NBAS: variants seen among roughly 807,000 people sequenced by gnomAD.
The protein encoded by NBAS is NAG/BC035112 fusion.
A neutral mutation model predicts 302.5 loss-of-function variants in NBAS; 219 were observed. That is an observed-to-expected ratio of 0.72 (90% confidence interval 0.65 to 0.81). The LOEUF (loss-of-function observed/expected upper bound fraction) is 0.81, where lower values mean the gene tolerates loss of function less well. NBAS is among the 30% of genes least tolerant of loss of function. NBAS has a pLI of 0.00. For missense variants in NBAS, 2,932 were observed against 2,841.6 expected (o/e 1.03, Z -0.72); for synonymous variants, 1,118 against 1,021.6 (o/e 1.09, Z -1.80).
At chr2:15,559,975 T>C (rs781097138) in intron 1 of NBAS, among the ~76,000 whole-genome samples, 1 of 152,158 alleles carries the variant, frequency 6.6e-6, no homozygotes, top group African/African-American at 2.4e-5. Context: ...TGCAGATCTC[T>C]ACCCGTCTAC....
At chr2:15,286,729 T>G (rs939399474) in intron 42 of NBAS, among the ~76,000 whole-genome samples, 41 of 152,262 alleles carry the variant, frequency 2.7e-4, no homozygotes, top group Non-Finnish European at 4.4e-5. Flanking sequence ...TTATCAGTTT[T>G]AATTTCACAT....
At chr2:15,095,017 G>A in the NBAS span, among the ~76,000 whole-genome samples, 1 of 152,140 alleles carries the variant, frequency 6.6e-6, no homozygotes, top group Non-Finnish European at 1.5e-5. Context: ...AAAATGTATA[G>A]TAAAATATAA....
the NBAS span, among the ~76,000 whole-genome samples, chr2:15,051,537 T>A: frequency 1.3e-5 from 2 of 152,170 alleles, no homozygotes; most frequent in African/African-American, 4.8e-5. Flanking sequence ...CACTTTTATA[T>A]GGACATAATA....
the NBAS span, among the ~76,000 whole-genome samples, chr2:14,779,735 T>C: frequency 6.6e-6 from 1 of 152,206 alleles, no homozygotes; most frequent in Non-Finnish European, 1.5e-5. Context: ...ATATATTTGT[T>C]TGTTGTCTCA....
chr2:15,216,306 CAA>C (rs1036988088), intron 48 of NBAS, among the ~76,000 whole-genome samples: 1 of 151,958 alleles, frequency 6.6e-6, no homozygotes, highest in African/African-American at 2.4e-5. Context: ...GGCGAGAAAA[CAA>C]AAAGAGTGAG....
chr2:14,878,398 G>A, the NBAS span, among the ~76,000 whole-genome samples: 526 of 152,262 alleles, frequency 3.5e-3, 7 homozygotes, highest in African/African-American at 0.011. Flanking sequence ...GGGGGTCGTT[G>A]ACTTTGTACC....
intron 48 of NBAS, among the ~76,000 whole-genome samples, chr2:15,211,265 C>A (rs1294749904): frequency 2.6e-5 from 4 of 151,516 alleles, no homozygotes; most frequent in Non-Finnish European, 5.9e-5. Flanking sequence ...TATGTACCCA[C>A]AAAAATTAAA....
intron 9 of NBAS, among the ~76,000 whole-genome samples, chr2:15,518,068 A>T (rs1443254342): frequency 6.6e-6 from 1 of 152,032 alleles, no homozygotes. Flanking sequence ...AAAAAGAAGA[A>T]CATCAAGATA....
chr2:15,394,327 G>A lies in NBAS; in HGVS notation c.3157C>T (p.His1053Tyr). 1.2e-6 allele frequency: 2 copies of A among 1,612,924 alleles called. No homozygotes were observed. The highest frequency in any genetic ancestry group is 1.7e-6 in the Non-Finnish European group (2 of 1,179,282). Residue 1053 changes from histidine (H) to tyrosine (Y), a missense_variant, in exon 28 of 52, where the codon CAT (histidine) becomes TAT (tyrosine). Physicochemically the swap from His to Tyr is moderately conservative, Grantham distance 83. Coordinates refer to ENST00000281513, the MANE Select transcript of NBAS (RefSeq NM_015909.4). ...AATGAAATTGGTTTCTCGAGTCCAT[G>A]TTTTTCCAAAAGCTCTGACACACTA... The part of the protein sequence containing the change: ...ILSVSELLEK[H>Y]GLEKPISFVK...
At chr2:14,865,208 G>A in the NBAS span, among the ~76,000 whole-genome samples, 2 of 151,858 alleles carry the variant, frequency 1.3e-5, no homozygotes, top group Non-Finnish European at 2.9e-5. Context: ...TGAGTGGGGG[G>A]GAATAATAAC....
chr2:15,512,863 T>C (rs1266627693), intron 9 of NBAS, among the ~76,000 whole-genome samples: 3 of 152,144 alleles, frequency 2.0e-5, no homozygotes, highest in Non-Finnish European at 4.4e-5. Context: ...TGTCACCAAG[T>C]TTGTGATTCA....
At chr2:15,016,523 A>G in the NBAS span, among the ~76,000 whole-genome samples, 26 of 152,218 alleles carry the variant, frequency 1.7e-4, no homozygotes, top group African/African-American at 6.0e-4. Context: ...GGAAGAATTA[A>G]TATTGTTAAA....
chr2:14,972,083 A>T, the NBAS span, among the ~76,000 whole-genome samples: 4 of 152,318 alleles, frequency 2.6e-5, no homozygotes, highest in African/African-American at 9.6e-5. Context: ...GAACAAACAA[A>T]ATGTGGTACA....
At chr2:15,073,959 C>T in the NBAS span, among the ~76,000 whole-genome samples, 32 of 152,208 alleles carry the variant, frequency 2.1e-4, no homozygotes, top group African/African-American at 6.3e-4. Flanking sequence ...TGTTTAGAAC[C>T]AGACCTCAAT....
chr2:14,968,000 T>C, the NBAS span, among the ~76,000 whole-genome samples: 1 of 152,118 alleles, frequency 6.6e-6, no homozygotes, highest in Non-Finnish European at 1.5e-5. Context: ...AACCTCCCCC[T>C]AGCTCCACCC....
the NBAS span, among the ~76,000 whole-genome samples, chr2:14,875,133 T>C: frequency 1.3e-5 from 2 of 152,094 alleles, no homozygotes; most frequent in Non-Finnish European, 2.9e-5. Context: ...TAGGGATATT[T>C]GGCAGAAAAA....
intron 15 of NBAS, 118 bp from the exon 16 acceptor site, chr2:15,473,465 T>C (rs748202842): frequency 1.5e-5 from 20 of 1,304,562 alleles, no homozygotes; most frequent in Non-Finnish European, 1.9e-5. Flanking sequence ...CACTAATTCC[T>C]GTGCACTGTG....
chr2:15,226,707 AT>A (rs1344270331), intron 47 of NBAS, among the ~76,000 whole-genome samples: 2 of 152,200 alleles, frequency 1.3e-5, no homozygotes, highest in African/African-American at 4.8e-5. Context: ...AGGTGTTATA[AT>A]TTTAACACAA....
chr2:14,918,602 G>C, the NBAS span, among the ~76,000 whole-genome samples: 1 of 152,222 alleles, frequency 6.6e-6, no homozygotes, highest in Non-Finnish European at 1.5e-5. Flanking sequence ...CATAGAGAAG[G>C]CTGTGGTCCT....
Sources: allele counts gnomAD v4.1 joint callset (sites outside exome capture counted in the v4.1 genomes callset), GRCh38; gene constraint gnomAD v4.1.1; transcripts MANE v1.5; gene names NCBI Gene and HGNC (gene_info 2026-07-23, HGNC 2026-07-21).